PRUNE2: variants seen among roughly 807,000 people sequenced by gnomAD.
The protein encoded by PRUNE2 is prune homolog 2 with BCH domain.
Under a neutral mutation model 252.0 loss-of-function variants are expected in PRUNE2, and 164 were observed. The observed-to-expected ratio is 0.65, with a 90% CI of 0.57 to 0.74. The LOEUF (loss-of-function observed/expected upper bound fraction) is 0.74. Among genes scored for constraint, PRUNE2 ranks in the 30% least tolerant of loss-of-function variants. The probability of loss-of-function intolerance (pLI) is 0.00; values close to 1 mark genes in which losing one functional copy is unlikely to be tolerated. For synonymous variants in PRUNE2, 1,292 were observed against 1,350.2 expected (o/e 0.96, Z 0.94); for missense variants, 3,495 against 3,711.0 (o/e 0.94, Z 1.51).
intron 6 of PRUNE2, among the ~76,000 whole-genome samples, chr9:76,762,582 CT>C (rs1263920607): frequency 1.3e-5 from 2 of 152,204 alleles, no homozygotes; most frequent in Non-Finnish European, 2.9e-5. Flanking sequence ...CCCCAGCCCC[CT>C]GGACCATCCT....
chr9:76,757,808 T>C (rs765289755), intron 6 of PRUNE2, among the ~76,000 whole-genome samples: 6 of 152,096 alleles, frequency 3.9e-5, no homozygotes, highest in African/African-American at 7.2e-5. Flanking sequence ...CATGGTGGCA[T>C]GCATCTATAG....
chr9:76,644,857 A>G lies in PRUNE2; in HGVS notation c.8610T>C (p.Tyr2870=). 1 of 1,613,852 alleles carries G rather than the reference A, an allele frequency of 6.2e-7. No homozygotes were observed. Among genetic ancestry groups the G allele is most frequent in the Non-Finnish European group, 8.5e-7 (1 of 1,179,836 alleles). The part of the protein sequence containing the change: ...SGQESESIPE[Y]TAEEEREDNR... ...TGTCCTCCCGTTCCTCTTCGGCCGT[A>G]TATTCTGGAATAGACTCTGACTCTT... The change falls in exon 12 of 19, where the codon TAT becomes TAC. Residue 2870 remains tyrosine, a synonymous_variant. Coordinates refer to ENST00000376718, the MANE Select transcript of PRUNE2 (RefSeq NM_015225.3).
At chr9:76,823,393 T>C in intron 6 of PRUNE2, 2 of 463,726 alleles carry the variant, frequency 4.3e-6, no homozygotes, top group Non-Finnish European at 7.8e-6. Flanking sequence ...GTTTTAGGCT[T>C]TGTTTTACTG....
At chr9:76,721,378 T>C (rs2047633653) in intron 6 of PRUNE2, among the ~76,000 whole-genome samples, 1 of 152,224 alleles carries the variant, frequency 6.6e-6, no homozygotes, top group Non-Finnish European at 1.5e-5. Flanking sequence ...AGGTCAAGCA[T>C]TCTGGACTAT....
chr9:76,735,848 T>C (rs1158836476), intron 6 of PRUNE2, among the ~76,000 whole-genome samples: 1 of 152,152 alleles, frequency 6.6e-6, no homozygotes, highest in African/African-American at 2.4e-5. Flanking sequence ...TCAAAAAGCT[T>C]CAAAAATATT....
chr9:76,705,997 A>G lies in PRUNE2; in HGVS notation c.6277T>C (p.Cys2093Arg), dbSNP rs770351474. 5 of 1,613,912 alleles carry G rather than the reference A, an allele frequency of 3.1e-6. No homozygotes were observed. Among genetic ancestry groups the G allele is most frequent in the Middle Eastern group, 3.3e-4 (2 of 6,084 alleles). The part of the protein sequence containing the change: ...DGENPDILTH[C>R]EHDSNSQASD... ...GCCTGAGAATTGCTGTCATGTTCGC[A>G]GTGCGTCAGGATATCAGGATTCTCA... Residue 2093 changes from cysteine to arginine, a missense_variant, in exon 8 of 19, where the codon TGC (cysteine) becomes CGC (arginine). Cys to Arg is a radical substitution (Grantham distance 180, BLOSUM62 -3). Transcript: ENST00000376718.
At chr9:76,854,289 A>G (rs991258617) in intron 1 of PRUNE2, 81 bp from the exon 2 acceptor site, 3 of 701,992 alleles carry the variant, frequency 4.3e-6, no homozygotes, top group Middle Eastern at 3.0e-4. Context: ...TTAAAAAAGT[A>G]TGCCTTATCC....
intron 6 of PRUNE2, among the ~76,000 whole-genome samples, chr9:76,798,473 T>C (rs1289721848): frequency 6.6e-6 from 1 of 152,196 alleles, no homozygotes; most frequent in Non-Finnish European, 1.5e-5. Flanking sequence ...ATTTCCTTCC[T>C]ATTTAAGGCT....
intron 6 of PRUNE2, among the ~76,000 whole-genome samples, chr9:76,767,112 C>G (rs927476733): frequency 1.3e-5 from 2 of 152,154 alleles, no homozygotes; most frequent in Admixed American, 6.5e-5. Context: ...TAAACTCTCT[C>G]TCCTCTACTG....
intron 10 of PRUNE2, among the ~76,000 whole-genome samples, chr9:76,653,662 C>A (rs1356580827): frequency 1.3e-5 from 2 of 152,126 alleles, no homozygotes; most frequent in Non-Finnish European, 2.9e-5. Context: ...TGTTCACAGA[C>A]ACTCCCAAAA....
chr9:76,891,059 G>T lies in PRUNE2; in HGVS notation c.36+14869C>A, dbSNP rs1472465004. On this transcript the variant is annotated intron_variant, in intron 1 of 18. Coordinates refer to ENST00000376718, the MANE Select transcript of PRUNE2 (RefSeq NM_015225.3). ...TCATGCTATGGTGATACAAAAGATTGGTAGGGAGATCTATGTGCTTCTTAG... is the reference window on the plus strand; with the variant it reads ...TCATGCTATGGTGATACAAAAGATTTGTAGGGAGATCTATGTGCTTCTTAG... Among the ~76,000 whole-genome samples the T allele has an allele frequency of 4.6e-5, 7 of 152,204 alleles. 1 individual carries two copies. In the South Asian group the frequency reaches 1.4e-3, roughly 31 times the overall value.
Position 76,614,548 on chromosome 9 carries a change from C to T in PRUNE2, c.*22G>A. The T allele has an allele frequency of 6.2e-7, 1 of 1,601,730 alleles. No individual in the cohort carries two copies. Among genetic ancestry groups the T allele is most frequent in the South Asian group, 1.1e-5 (1 of 90,740 alleles). On this transcript the variant is annotated 3_prime_UTR_variant, in exon 19 of 19. Transcript: ENST00000376718. ...ACAGAACCATGAACCAGAAAAGCAT[C>T]CTCTTCTTCCAGCATGGCCAACTAA...
chr9:76,688,451 C>T (rs563892820), intron 9 of PRUNE2, among the ~76,000 whole-genome samples: 5 of 152,192 alleles, frequency 3.3e-5, no homozygotes, highest in African/African-American at 4.8e-5. Context: ...CTCACCAAGG[C>T]TGCAGGTTCT....
At chr9:76,826,003 G>T (rs1018630499) in intron 5 of PRUNE2, among the ~76,000 whole-genome samples, 28 of 152,176 alleles carry the variant, frequency 1.8e-4, no homozygotes, top group African/African-American at 6.8e-4. Context: ...CATAAGGATT[G>T]CATGTAATAA....
intron 6 of PRUNE2, chr9:76,759,501 GAGA>G (rs2051485666): frequency 6.5e-6 from 1 of 152,672 alleles, no homozygotes; most frequent in Non-Finnish European, 1.5e-5. Context: ...CAGCGTGGCA[GAGA>G]AGGAGAGAAG....
At chr9:76,692,384 A>G in intron 9 of PRUNE2, 1 of 502,438 alleles carries the variant, frequency 2.0e-6, no homozygotes, top group East Asian at 3.5e-5. Flanking sequence ...AACTGCTGCT[A>G]CTCCTGCTCC....
intron 14 of PRUNE2, 84 bp from the exon 15 acceptor site, chr9:76,636,641 AATAT>A (rs940817701): frequency 1.3e-6 from 1 of 756,256 alleles, no homozygotes; most frequent in Admixed American, 2.4e-5. Flanking sequence ...CCTAAATAAG[AATAT>A]ATATAATTTA....
rs953051674 is a variant in PRUNE2, at chr9:76,691,638, T to C, written c.8276+11699A>G. On this transcript the variant is annotated intron_variant, in intron 9 of 18. Coordinates refer to ENST00000376718, the MANE Select transcript of PRUNE2 (RefSeq NM_015225.3). The stretch of plus-strand genomic sequence containing the variant: ...GCAATTAGTAATAACATTTAAAAAA[T>C]GCCTCTCTACCAGAGCTGTCCTGCT... 2.6e-5 allele frequency among the ~76,000 whole-genome samples: 4 copies of C among 152,288 alleles called. No homozygotes were observed. The South Asian group carries it at 8.3e-4, about 32-fold the overall frequency.
intron 1 of PRUNE2, among the ~76,000 whole-genome samples, chr9:76,895,073 G>GA (rs765058510): frequency 2.0e-3 from 293 of 150,090 alleles, no homozygotes; most frequent in African/African-American, 6.6e-3. Context: ...TTAAGAGGGA[G>GA]AAAAAAAAAG....
Sources: allele counts gnomAD v4.1 joint callset (sites outside exome capture counted in the v4.1 genomes callset), GRCh38; gene constraint gnomAD v4.1.1; transcripts MANE v1.5; gene names NCBI Gene and HGNC (gene_info 2026-07-23, HGNC 2026-07-21).